The following RERG variants were observed in gnomAD, a reference collection of about 807,000 sequenced individuals.
RERG encodes ras-related and estrogen-regulated growth inhibitor.
Under a neutral mutation model 23.2 loss-of-function variants are expected in RERG, and 25 were observed. The ratio of observed to expected loss-of-function variants is 1.08; its 90% CI spans 0.79 to 1.50. RERG has a LOEUF of 1.50. Ranked by LOEUF, RERG falls within the 40% of genes most tolerant of loss-of-function variation. RERG has a pLI of 0.00. For synonymous variants in RERG, 81 were observed against 89.1 expected, an observed-to-expected ratio of 0.91 and a Z score of 0.51; for missense variants, 253 against 250.1, an observed-to-expected ratio of 1.01 and a Z score of -0.08.
intron 2 of RERG, among the ~76,000 whole-genome samples, chr12:15,140,486 T>C (rs1864219272): frequency 1.4e-5 from 2 of 145,738 alleles, no homozygotes; most frequent in South Asian, 4.1e-4. Context: ...ACGTTATTTA[T>C]TCTTTCTCTA....
chr12:15,204,205 T>G (rs1218782167), intron 2 of RERG, among the ~76,000 whole-genome samples: 1 of 151,824 alleles, frequency 6.6e-6, no homozygotes, highest in African/African-American at 2.4e-5. Flanking sequence ...AGTATCATAT[T>G]GGCATAAAAA....
intron 2 of RERG, among the ~76,000 whole-genome samples, chr12:15,169,196 C>G (rs1864738600): frequency 6.6e-6 from 1 of 152,182 alleles, no homozygotes; most frequent in African/African-American, 2.4e-5. Context: ...AAAAACAGAT[C>G]TGTAGTGTTC....
intron 2 of RERG, among the ~76,000 whole-genome samples, chr12:15,135,142 A>G (rs1255898323): frequency 6.6e-6 from 1 of 152,130 alleles, no homozygotes; most frequent in Non-Finnish European, 1.5e-5. Context: ...TAGGTCTCGC[A>G]CATATTGTTA....
At chr12:15,200,094 G>C (rs897276794) in intron 2 of RERG, among the ~76,000 whole-genome samples, 9 of 152,038 alleles carry the variant, frequency 5.9e-5, no homozygotes, top group African/African-American at 2.2e-4. Flanking sequence ...TGAATACTCT[G>C]TAGATGACCA....
At chr12:15,138,202 C>G in intron 2 of RERG, 1 of 165,018 alleles carries the variant, frequency 6.1e-6, no homozygotes, top group South Asian at 1.6e-4. Flanking sequence ...AATGTGTGGT[C>G]TGGTGTCTGA....
chr12:15,127,168 A>C (rs898853082), intron 2 of RERG, among the ~76,000 whole-genome samples: 1 of 152,178 alleles, frequency 6.6e-6, no homozygotes, highest in African/African-American at 2.4e-5. Flanking sequence ...TACCTTGTAA[A>C]CATTTATTTA....
intron 2 of RERG, among the ~76,000 whole-genome samples, chr12:15,215,823 C>T (rs908695822): frequency 2.0e-5 from 3 of 152,134 alleles, no homozygotes; most frequent in Admixed American, 1.3e-4. Flanking sequence ...TGAGCCTTGA[C>T]AGGAGGAGAC....
chr12:15,197,607 A>T (rs1425711413), intron 2 of RERG, among the ~76,000 whole-genome samples: 1 of 152,196 alleles, frequency 6.6e-6, no homozygotes, highest in African/African-American at 2.4e-5. Flanking sequence ...ATTAAAGGCG[A>T]CAGATCAAAT....
At chr12:15,190,532 G>A (rs1336770224) in intron 2 of RERG, among the ~76,000 whole-genome samples, 1 of 152,062 alleles carries the variant, frequency 6.6e-6, no homozygotes, top group Non-Finnish European at 1.5e-5. Context: ...ACCCAAAGAT[G>A]GCAAAGATGC....
intron 2 of RERG, among the ~76,000 whole-genome samples, chr12:15,213,863 G>T (rs1440469805): frequency 6.6e-6 from 1 of 152,178 alleles, no homozygotes; most frequent in African/African-American, 2.4e-5. Flanking sequence ...ATTTATTGGT[G>T]ACACTAATAT....
At position 15,109,159 on chromosome 12, in the gene RERG, G is replaced by A. The variant is rs1183688718; in HGVS notation, c.551C>T (p.Thr184Met). The change falls in exon 5 of 5, where the codon ACG becomes ATG. Residue 184 changes from threonine to methionine, a missense_variant. Coordinates refer to ENST00000256953, the MANE Select transcript of RERG (RefSeq NM_032918.3). Reference protein sequence around the residue: ...QGKTRRRSSTTHVKQAINKML... With the variant: ...QGKTRRRSSTMHVKQAINKML... ...CTTGTTAATGGCTTGCTTGACATGC[G>A]TGGTGGAGCTGCGTCGCCTCGTCTT... 4 of 1,607,686 alleles carry A rather than the reference G, an allele frequency of 2.5e-6. No individual in the cohort carries two copies. The highest frequency in any genetic ancestry group is 1.3e-5 in the African/African-American group (1 of 74,702).
chr12:15,133,271 A>G (rs987161554), intron 2 of RERG, among the ~76,000 whole-genome samples: 1 of 150,908 alleles, frequency 6.6e-6, no homozygotes, highest in Admixed American at 6.6e-5. Context: ...CTAAATCTTA[A>G]CAATCTCTGA....
At chr12:15,155,599 TG>T (rs994177429) in intron 2 of RERG, among the ~76,000 whole-genome samples, 1 of 152,142 alleles carries the variant, frequency 6.6e-6, no homozygotes, top group Non-Finnish European at 1.5e-5. Context: ...TGAAAGTGGT[TG>T]GGATTGGGGG....
At chr12:15,202,348 C>T (rs950540300) in intron 2 of RERG, among the ~76,000 whole-genome samples, 1 of 151,714 alleles carries the variant, frequency 6.6e-6, no homozygotes, top group African/African-American at 2.4e-5. Context: ...AAGCGCACAA[C>T]ACCATATTGT....
intron 2 of RERG, among the ~76,000 whole-genome samples, chr12:15,188,659 G>A (rs965188137): frequency 6.6e-6 from 1 of 152,144 alleles, no homozygotes; most frequent in Non-Finnish European, 1.5e-5. Flanking sequence ...CACATAACAG[G>A]TGGACATGAT....
intron 2 of RERG, among the ~76,000 whole-genome samples, chr12:15,155,839 C>G (rs991003209): frequency 1.4e-5 from 2 of 146,180 alleles, no homozygotes; most frequent in Non-Finnish European, 3.0e-5. Flanking sequence ...ACCATTTGTG[C>G]ACAGCCTTTG....
chr12:15,208,742 A>G (rs1435482958), intron 2 of RERG, among the ~76,000 whole-genome samples: 1 of 152,194 alleles, frequency 6.6e-6, no homozygotes, highest in African/African-American at 2.4e-5. Context: ...ATACACACAT[A>G]TATACATACA....
At chr12:15,132,499 G>T (rs138082270) in intron 2 of RERG, among the ~76,000 whole-genome samples, 2 of 152,202 alleles carry the variant, frequency 1.3e-5, no homozygotes. Flanking sequence ...TGGCAATAAA[G>T]ATGTGCATGC....
At chr12:15,110,834 G>A (rs541454899) in intron 4 of RERG, 1 of 152,388 alleles carries the variant, frequency 6.6e-6, no homozygotes, top group East Asian at 1.9e-4. Flanking sequence ...TTTAATCTCA[G>A]AAGTGACCGA....
Sources: gnomAD v4.1 joint callset for allele counts (sites outside exome capture counted in the v4.1 genomes callset) on GRCh38, gnomAD v4.1.1 for gene constraint, MANE v1.5 for transcripts, NCBI Gene and HGNC (gene_info 2026-07-23, HGNC 2026-07-21) for gene names.